The following LZTFL1 variants were observed in gnomAD, a reference collection of about 807,000 sequenced individuals.
LZTFL1 encodes the protein leucine zipper transcription factor like 1.
In LZTFL1, 25 loss-of-function variants were observed where a neutral mutation model predicts 45.9. The ratio of observed to expected loss-of-function variants is 0.54; its 90% CI spans 0.40 to 0.76. LZTFL1 has a LOEUF of 0.76. LZTFL1 is among the 30% of genes least tolerant of loss of function. The probability of loss-of-function intolerance (pLI) is 0.00; values close to 1 mark genes in which losing one functional copy is unlikely to be tolerated. For synonymous variants in LZTFL1, 93 were observed against 117.4 expected, an observed-to-expected ratio of 0.79 and a Z score of 1.35; for missense variants, 277 against 331.1, an observed-to-expected ratio of 0.84 and a Z score of 1.27.
intron 2 of LZTFL1, among the ~76,000 whole-genome samples, chr3:45,906,656 G>T (rs1248069856): frequency 2.6e-5 from 4 of 152,200 alleles, no homozygotes; most frequent in Admixed American, 2.0e-4. Context: ...AAAGGACAAT[G>T]GTGTCATCTT....
At chr3:45,913,302 T>TA in intron 1 of LZTFL1, 2 of 691,342 alleles carry the variant, frequency 2.9e-6, no homozygotes, top group Non-Finnish European at 4.7e-6. Context: ...TAAAGATCCT[T>TA]AACTTTTTTT....
chr3:45,858,656 C>G (rs1168102982), intron 3 of LZTFL1, among the ~76,000 whole-genome samples: 2 of 152,102 alleles, frequency 1.3e-5, no homozygotes, highest in Non-Finnish European at 2.9e-5. Context: ...AAGCTATAGA[C>G]ACAACTGTTT....
At chr3:45,831,195 T>C (rs1315319560) in intron 5 of LZTFL1, 57 bp from the exon 6 acceptor site, 2 of 911,858 alleles carry the variant, frequency 2.2e-6, no homozygotes, top group East Asian at 5.5e-5. Context: ...ATATTTGAAA[T>C]TATTACTTGT....
At chr3:45,859,383 G>A (rs1302201841) in intron 2 of LZTFL1, among the ~76,000 whole-genome samples, 1 of 151,822 alleles carries the variant, frequency 6.6e-6, no homozygotes, top group African/African-American at 2.4e-5. Flanking sequence ...TAGCCATGGT[G>A]CCTGACTATT....
intron 2 of LZTFL1, among the ~76,000 whole-genome samples, chr3:45,893,168 T>C (rs961094750): frequency 6.6e-6 from 1 of 151,078 alleles, no homozygotes; most frequent in Non-Finnish European, 1.5e-5. Context: ...TTTTTTTTTT[T>C]GTTTGAGATG....
chr3:45,829,102 T>C (rs1434929799), intron 7 of LZTFL1, among the ~76,000 whole-genome samples: 2 of 152,220 alleles, frequency 1.3e-5, no homozygotes, highest in African/African-American at 2.4e-5. Flanking sequence ...ACTGATTACA[T>C]GGTTTTCTAA....
intron 2 of LZTFL1, among the ~76,000 whole-genome samples, chr3:45,865,273 C>A (rs1289572622): frequency 2.0e-5 from 3 of 152,204 alleles, no homozygotes; most frequent in Non-Finnish European, 1.5e-5. Flanking sequence ...GAATTCTAAC[C>A]ACATTTTAAA....
chr3:45,833,081 T>A lies in LZTFL1; in HGVS notation c.425A>T (p.Asn142Ile), dbSNP rs764687946. ...DVTKPKLAPL[N>I]EGGTAELLNK... ...TAGGAGTTCTGCTGTTCCACCTTCA[T>A]TAAGTGGAGCAAGTTTTGGCTTTGT... The change falls in exon 5 of 10, where the codon AAT (asparagine) becomes ATT (isoleucine). Residue 142 changes from asparagine (N) to isoleucine (I), a missense_variant. By Grantham distance (149) the Asn-to-Ile change is moderately radical. Transcript: ENST00000296135. 1.9e-6 allele frequency: 3 copies of A among 1,613,814 alleles called. No homozygotes were observed. The highest frequency in any genetic ancestry group is 1.1e-5 in the South Asian group (1 of 91,076).
intron 2 of LZTFL1, among the ~76,000 whole-genome samples, chr3:45,870,369 C>T (rs891268809): frequency 2.0e-5 from 3 of 152,166 alleles, no homozygotes; most frequent in African/African-American, 4.8e-5. Flanking sequence ...ATCAGAAAGG[C>T]CTGCTTGCAT....
intron 9 of LZTFL1, 79 bp from the exon 10 acceptor site, chr3:45,826,411 G>T: frequency 8.8e-7 from 1 of 1,136,150 alleles, no homozygotes; most frequent in Non-Finnish European, 1.3e-6. Context: ...TTGAAGCAGT[G>T]GCACTATATT....
At chr3:45,848,306 C>T (rs1309916118) in intron 4 of LZTFL1, among the ~76,000 whole-genome samples, 3 of 152,206 alleles carry the variant, frequency 2.0e-5, no homozygotes, top group South Asian at 4.1e-4. Context: ...TGCTGGAGGG[C>T]AGCTGCAGCT....
chr3:45,841,153 A>C (rs1376648538), intron 1 of LZTFL1, among the ~76,000 whole-genome samples: 1 of 152,202 alleles, frequency 6.6e-6, no homozygotes, highest in Non-Finnish European at 1.5e-5. Context: ...GGGAGGGAGC[A>C]ATCTGTTTAG....
intron 2 of LZTFL1, among the ~76,000 whole-genome samples, chr3:45,890,166 T>C (rs1702104145): frequency 6.8e-6 from 1 of 146,492 alleles, no homozygotes; most frequent in Non-Finnish European, 1.5e-5. Flanking sequence ...TTGTGGTTTC[T>C]TTCTTTGGGA....
chr3:45,878,119 A>G lies in LZTFL1; in HGVS notation c.-214-19103T>C, dbSNP rs190579009. Reference sequence around the variant, plus strand: ...AATGTGATGTATCTACATGGTGGAAAGATTAAATTAAGCTAATTAGTATTT... The same window carrying G: ...AATGTGATGTATCTACATGGTGGAAGGATTAAATTAAGCTAATTAGTATTT... On this transcript the variant is annotated intron_variant, in intron 2 of 4. Transcript: ENST00000472635. Among the ~76,000 whole-genome samples, 194 of 152,356 alleles carry G rather than the reference A, an allele frequency of 1.3e-3. 1 individual carries two copies. The highest frequency in any genetic ancestry group is 0.01 in the Middle Eastern group (3 of 294).
chr3:45,892,882 G>C (rs1702230720), intron 2 of LZTFL1, among the ~76,000 whole-genome samples: 1 of 152,090 alleles, frequency 6.6e-6, no homozygotes, highest in Non-Finnish European at 1.5e-5. Context: ...TCCTCCTCAG[G>C]GCCTGCTGAC....
intron 2 of LZTFL1, among the ~76,000 whole-genome samples, chr3:45,880,276 G>C (rs184335443): frequency 2.4e-3 from 365 of 152,334 alleles, no homozygotes; most frequent in Non-Finnish European, 4.2e-3. Flanking sequence ...GGCCGAGGTA[G>C]GCGGATCACG....
chr3:45,841,532 G>T (rs186139257), intron 1 of LZTFL1, among the ~76,000 whole-genome samples: 10 of 152,318 alleles, frequency 6.6e-5, no homozygotes, highest in Non-Finnish European at 1.3e-4. Flanking sequence ...GTTACCGCGC[G>T]CGCGCGTGTG....
rs564786471 is a variant in LZTFL1 at position 45,826,828 on chromosome 3, C to G, written c.882-496G>C. On this transcript the variant is annotated intron_variant, in intron 9 of 9. Transcript: ENST00000296135. ...TGGGAGCCACCACTTTAGGTTTCCC[C>G]CTGTGCGATGAGTTCTTTTAACTGG... Among the ~76,000 whole-genome samples the G allele has an allele frequency of 3.3e-5, 5 of 152,268 alleles. No individual in the cohort carries two copies. The East Asian group carries it at 9.7e-4, about 29-fold the overall frequency.
chr3:45,882,188 G>A lies in LZTFL1; in HGVS notation c.-214-23172C>T, dbSNP rs74952957. Among the ~76,000 whole-genome samples, 432 of 152,242 alleles carry A rather than the reference G, an allele frequency of 2.8e-3. 1 individual carries two copies. The highest frequency in any genetic ancestry group is 4.7e-3 in the Non-Finnish European group (323 of 68,006). On this transcript the variant is annotated intron_variant, in intron 2 of 4. Coordinates refer to the LZTFL1 transcript ENST00000472635. Reference sequence around the variant, plus strand: ...AATATTCTCCTAGAATGTGCTGCTGGGCTTCAACCATGGCCAGTATCCACA... The same window carrying A: ...AATATTCTCCTAGAATGTGCTGCTGAGCTTCAACCATGGCCAGTATCCACA...
Sources: gnomAD v4.1 joint callset for allele counts (sites outside exome capture counted in the v4.1 genomes callset) on GRCh38, gnomAD v4.1.1 for gene constraint, MANE v1.5 for transcripts, NCBI Gene and HGNC (gene_info 2026-07-23, HGNC 2026-07-21) for gene names.